The following WASF2 variants were observed in gnomAD, a reference collection of about 807,000 sequenced individuals.
WASF2 encodes the protein actin-binding protein WASF2.
In WASF2, 14 loss-of-function variants were observed where a neutral mutation model predicts 45.0. The ratio of observed to expected loss-of-function variants is 0.31; its 90% CI spans 0.21 to 0.49. The LOEUF is 0.49. Among genes scored for constraint, WASF2 ranks in the 20% least tolerant of loss-of-function variants. WASF2 has a pLI of 0.99. For missense variants in WASF2, 439 were observed against 636.1 expected (o/e 0.69, Z 3.33); for synonymous variants, 200 against 236.3 (o/e 0.85, Z 1.41).
intron 1 of WASF2, among the ~76,000 whole-genome samples, chr1:27,486,995 T>C (rs933726495): frequency 1.4e-5 from 2 of 147,902 alleles, no homozygotes; most frequent in Admixed American, 6.8e-5. Flanking sequence ...TATATTTACA[T>C]ATAATCTACA....
intron 1 of WASF2, among the ~76,000 whole-genome samples, chr1:27,439,433 T>C (rs1312199529): frequency 6.6e-6 from 1 of 152,204 alleles, no homozygotes; most frequent in African/African-American, 2.4e-5. Flanking sequence ...TATACAATAC[T>C]GTCTTAATAA....
intron 1 of WASF2, among the ~76,000 whole-genome samples, chr1:27,467,319 GT>G (rs1218184659): frequency 2.7e-4 from 38 of 138,390 alleles, no homozygotes; most frequent in East Asian, 1.1e-3. Context: ...TTTGTTTTCT[GT>G]TTTTTTTTTT....
chr1:27,411,755 C>A lies in WASF2; in HGVS notation c.824+817G>T, dbSNP rs189603803. 1.5e-3 allele frequency among the ~76,000 whole-genome samples: 229 copies of A among 152,216 alleles called. 1 individual carries two copies. The highest frequency in any genetic ancestry group is 3.9e-3 in the African/African-American group (160 of 41,542). On this transcript the variant is annotated intron_variant, in intron 7 of 8. Coordinates refer to ENST00000618852, the MANE Select transcript of WASF2 (RefSeq NM_006990.5). ...GTGGGTGCCTGTAGTCCCAGCTACT[C>A]GAGAAGCTAAGGCAAGAGAATGGCA...
At chr1:27,417,555 T>C (rs1484577057) in intron 4 of WASF2, among the ~76,000 whole-genome samples, 1 of 152,202 alleles carries the variant, frequency 6.6e-6, no homozygotes, top group Non-Finnish European at 1.5e-5. Flanking sequence ...TCCAAAGATA[T>C]ATATGGGTGT....
At chr1:27,425,417 T>G (rs1011200025) in intron 2 of WASF2, among the ~76,000 whole-genome samples, 10 of 152,142 alleles carry the variant, frequency 6.6e-5, no homozygotes, top group Non-Finnish European at 1.5e-4. Context: ...GACTGTAAAA[T>G]GAAGGCTGGG....
intron 1 of WASF2, among the ~76,000 whole-genome samples, chr1:27,480,293 G>C (rs2017828012): frequency 1.3e-5 from 2 of 152,060 alleles, no homozygotes; most frequent in Admixed American, 1.3e-4. Flanking sequence ...GAATTGGGCA[G>C]ATCACTTGAG....
intron 1 of WASF2, among the ~76,000 whole-genome samples, chr1:27,474,286 T>G (rs2017735267): frequency 6.6e-6 from 1 of 152,168 alleles, no homozygotes; most frequent in South Asian, 2.1e-4. Context: ...TTTTTAAATC[T>G]TCAAGCACCT....
At chr1:27,469,920 G>A (rs935338011) in intron 1 of WASF2, among the ~76,000 whole-genome samples, 4 of 152,104 alleles carry the variant, frequency 2.6e-5, no homozygotes, top group Non-Finnish European at 5.9e-5. Context: ...CTCCAGAGTG[G>A]GCGACAGAAT....
intron 1 of WASF2, among the ~76,000 whole-genome samples, chr1:27,467,931 C>T (rs1230870737): frequency 2.0e-5 from 3 of 151,508 alleles, no homozygotes; most frequent in Admixed American, 2.0e-4. Flanking sequence ...TTTTAATGTG[C>T]CAAATAATTT....
At chr1:27,432,138 AT>A (rs2017073327) in intron 1 of WASF2, among the ~76,000 whole-genome samples, 3 of 152,156 alleles carry the variant, frequency 2.0e-5, no homozygotes, top group Admixed American at 1.3e-4. Flanking sequence ...AAAATCTTAC[AT>A]TCAGGTGAAA....
chr1:27,438,709 C>T (rs963989693), intron 1 of WASF2, among the ~76,000 whole-genome samples: 7 of 152,204 alleles, frequency 4.6e-5, no homozygotes, highest in African/African-American at 1.4e-4. Flanking sequence ...TATTAATACA[C>T]CAACTTAAGT....
intron 1 of WASF2, among the ~76,000 whole-genome samples, chr1:27,448,424 A>G (rs534344234): frequency 6.6e-6 from 1 of 152,372 alleles, no homozygotes; most frequent in South Asian, 2.1e-4. Context: ...GGGTATCATA[A>G]AAAGAACAAA....
intron 1 of WASF2, among the ~76,000 whole-genome samples, chr1:27,441,101 C>T (rs2017220166): frequency 1.3e-5 from 2 of 152,074 alleles, no homozygotes; most frequent in Admixed American, 1.3e-4. Flanking sequence ...CTCCTGAGCT[C>T]AAGCGATCTG....
intron 1 of WASF2, among the ~76,000 whole-genome samples, chr1:27,430,921 T>C (rs1006513464): frequency 6.6e-6 from 1 of 151,770 alleles, no homozygotes; most frequent in Admixed American, 6.6e-5. Context: ...AACTAAATAT[T>C]ACAGACATAT....
intron 1 of WASF2, among the ~76,000 whole-genome samples, chr1:27,487,704 C>T (rs1421275936): frequency 1.5e-4 from 16 of 105,266 alleles, no homozygotes; most frequent in East Asian, 9.7e-4. Context: ...ATATTTTATA[C>T]AATATATAAT....
At chr1:27,467,409 C>T (rs1477898556) in intron 1 of WASF2, among the ~76,000 whole-genome samples, 3 of 149,500 alleles carry the variant, frequency 2.0e-5, no homozygotes, top group Non-Finnish European at 4.5e-5. Context: ...CATGCCATTC[C>T]CCTGCCTCAG....
At chr1:27,418,855 TTC>T in intron 3 of WASF2, 97 bp downstream of exon 3, 1 of 1,419,714 alleles carries the variant, frequency 7.0e-7, no homozygotes, top group Admixed American at 2.5e-5. Context: ...TCTCTGTGAT[TTC>T]TCTCCTCACG....
At chr1:27,445,717 T>G (rs138889215) in intron 1 of WASF2, among the ~76,000 whole-genome samples, 1 of 152,178 alleles carries the variant, frequency 6.6e-6, no homozygotes, top group African/African-American at 2.4e-5. Context: ...CAAACTCCTG[T>G]TTTCAAACAG....
chr1:27,423,913 A>G (rs2016942418), intron 2 of WASF2, among the ~76,000 whole-genome samples: 1 of 152,042 alleles, frequency 6.6e-6, no homozygotes, highest in Non-Finnish European at 1.5e-5. Context: ...TCAGTTAGAA[A>G]CCCAATATCT....
Sources: gnomAD v4.1 joint callset for allele counts (sites outside exome capture counted in the v4.1 genomes callset) on GRCh38, gnomAD v4.1.1 for gene constraint, MANE v1.5 for transcripts, NCBI Gene and HGNC (gene_info 2026-07-23, HGNC 2026-07-21) for gene names.